The following MAGI2 variants were observed in gnomAD, a reference collection of about 807,000 sequenced individuals.
The protein encoded by MAGI2 is membrane associated guanylate kinase, WW and PDZ domain containing 2.
A neutral mutation model predicts 133.3 loss-of-function variants in MAGI2; 35 were observed. The ratio of observed to expected loss-of-function variants is 0.26; its 90% CI spans 0.20 to 0.35. The LOEUF (loss-of-function observed/expected upper bound fraction) is 0.35, where lower values mean the gene tolerates loss of function less well. Ranked by LOEUF, MAGI2 falls within the 10% of genes least tolerant of loss-of-function variation. The probability of loss-of-function intolerance (pLI) is 1.00; values close to 1 mark genes in which losing one functional copy is unlikely to be tolerated. For synonymous variants in MAGI2, 729 were observed against 710.6 expected, an observed-to-expected ratio of 1.03 and a Z score of -0.41; for missense variants, 1,636 against 1,863.4, an observed-to-expected ratio of 0.88 and a Z score of 2.25.
At chr7:78,767,347 C>G (rs889889279) in intron 2 of MAGI2, among the ~76,000 whole-genome samples, 1 of 146,176 alleles carries the variant, frequency 6.8e-6, no homozygotes, top group African/African-American at 2.5e-5. Context: ...AGGCAACACA[C>G]TTTTTTTTTT....
chr7:79,339,319 G>A (rs1840711304), intron 1 of MAGI2, among the ~76,000 whole-genome samples: 1 of 151,952 alleles, frequency 6.6e-6, no homozygotes, highest in Admixed American at 6.6e-5. Context: ...TGATACAATT[G>A]TACTATGTTA....
At chr7:78,127,771 C>T (rs1335166999) in intron 18 of MAGI2, among the ~76,000 whole-genome samples, 5 of 152,180 alleles carry the variant, frequency 3.3e-5, no homozygotes, top group Admixed American at 3.3e-4. Flanking sequence ...CAAACCAAGA[C>T]ATCAGCCTAT....
chr7:78,649,242 A>ATAAAAAAAAAAAAAAAAAAAAAG (rs1811273531), intron 2 of MAGI2, among the ~76,000 whole-genome samples: 1 of 149,550 alleles, frequency 6.7e-6, no homozygotes, highest in Non-Finnish European at 1.5e-5. Context: ...AAAAGAAAAA[A>ATAAAAAAAAAAAAAAAAAAAAAG]AAAGAAAAAA....
intron 10 of MAGI2, among the ~76,000 whole-genome samples, chr7:78,202,789 A>AC (rs1354914407): frequency 1.3e-5 from 2 of 151,936 alleles, no homozygotes; most frequent in Non-Finnish European, 2.9e-5. Context: ...TAACCATCTT[A>AC]CCCAAGAAGT....
At chr7:79,359,104 A>G (rs1351312472) in intron 1 of MAGI2, among the ~76,000 whole-genome samples, 1 of 152,222 alleles carries the variant, frequency 6.6e-6, no homozygotes, top group Admixed American at 6.5e-5. Flanking sequence ...AATTAACTAC[A>G]AATCTCTTGA....
chr7:78,250,841 C>T (rs995576396), intron 10 of MAGI2, among the ~76,000 whole-genome samples: 1 of 152,050 alleles, frequency 6.6e-6, no homozygotes, highest in African/African-American at 2.4e-5. Flanking sequence ...CCTACACAAA[C>T]TGTTTCAGAA....
At chr7:78,115,968 T>G (rs1307409667) in intron 20 of MAGI2, among the ~76,000 whole-genome samples, 1 of 152,330 alleles carries the variant, frequency 6.6e-6, no homozygotes, top group East Asian at 1.9e-4. Flanking sequence ...CCAAACCTTA[T>G]CCAATGAACA....
chr7:78,971,605 T>C (rs1803788727), intron 2 of MAGI2, among the ~76,000 whole-genome samples: 1 of 152,052 alleles, frequency 6.6e-6, no homozygotes, highest in South Asian at 2.1e-4. Context: ...CTGTCAACCC[T>C]AACTATAAAT....
At chr7:78,296,636 CAGT>C (rs1481298480) in intron 9 of MAGI2, among the ~76,000 whole-genome samples, 1 of 152,148 alleles carries the variant, frequency 6.6e-6, no homozygotes. Flanking sequence ...TGAATAAACT[CAGT>C]AGAATATAGA....
chr7:79,083,652 T>C (rs1251931227), intron 1 of MAGI2, among the ~76,000 whole-genome samples: 3 of 151,690 alleles, frequency 2.0e-5, no homozygotes, highest in Admixed American at 2.0e-4. Flanking sequence ...ATGTATTTGT[T>C]GGGTTATTAT....
At chr7:78,718,014 T>C (rs895409573) in intron 2 of MAGI2, among the ~76,000 whole-genome samples, 1 of 152,178 alleles carries the variant, frequency 6.6e-6, no homozygotes, top group Non-Finnish European at 1.5e-5. Flanking sequence ...TCATTCTGCA[T>C]TTTTTTCACT....
At chr7:79,197,111 A>G (rs563132893) in intron 1 of MAGI2, among the ~76,000 whole-genome samples, 32 of 151,700 alleles carry the variant, frequency 2.1e-4, no homozygotes, top group African/African-American at 6.8e-4. Context: ...CAAAAGCCCT[A>G]TCACATCTGA....
chr7:78,792,554 A>C (rs893304872), intron 2 of MAGI2, among the ~76,000 whole-genome samples: 2 of 152,202 alleles, frequency 1.3e-5, no homozygotes, highest in African/African-American at 4.8e-5. Context: ...CAGCCTGTCA[A>C]TTTGAACTCC....
chr7:78,513,650 A>C (rs1421811707), intron 4 of MAGI2, among the ~76,000 whole-genome samples: 1 of 152,032 alleles, frequency 6.6e-6, no homozygotes, highest in Non-Finnish European at 1.5e-5. Flanking sequence ...TGCTGGAGAA[A>C]CCTGAGGTGC....
chr7:78,781,617 AAAAG>A (rs1458310697), intron 2 of MAGI2, among the ~76,000 whole-genome samples: 2 of 152,114 alleles, frequency 1.3e-5, no homozygotes, highest in East Asian at 1.9e-4. Context: ...AAAGGGGAGA[AAAAG>A]AAATAACCTA....
At chr7:78,369,896 A>G (rs1162489399) in intron 6 of MAGI2, among the ~76,000 whole-genome samples, 4 of 152,044 alleles carry the variant, frequency 2.6e-5, no homozygotes, top group Admixed American at 2.0e-4. Context: ...AGGCAAAAAC[A>G]TGCTGTCTGA....
chr7:78,785,965 T>C (rs1365349891), intron 2 of MAGI2, among the ~76,000 whole-genome samples: 1 of 151,972 alleles, frequency 6.6e-6, no homozygotes, highest in Non-Finnish European at 1.5e-5. Flanking sequence ...GACAGAGGAA[T>C]GAAGGAGAGA....
intron 2 of MAGI2, among the ~76,000 whole-genome samples, chr7:78,917,486 G>A (rs537404117): frequency 6.6e-6 from 1 of 152,212 alleles, no homozygotes; most frequent in East Asian, 1.9e-4. Flanking sequence ...AGAAGAAATT[G>A]TCCTTGTGAT....
intron 16 of MAGI2, among the ~76,000 whole-genome samples, chr7:78,136,622 C>G (rs1822168980): frequency 6.6e-6 from 1 of 152,206 alleles, no homozygotes; most frequent in African/African-American, 2.4e-5. Flanking sequence ...TTCCATTCTC[C>G]CTTCAAGACT....
Sources: gnomAD v4.1 joint callset for allele counts (sites outside exome capture counted in the v4.1 genomes callset) on GRCh38, gnomAD v4.1.1 for gene constraint, MANE v1.5 for transcripts, NCBI Gene and HGNC (gene_info 2026-07-23, HGNC 2026-07-21) for gene names.